Variants in ANKRD33B observed in about 807,000 individuals in gnomAD.
ANKRD33B encodes ankyrin repeat domain 33B, also known as ankyrin repeat domain-containing protein 33B.
A neutral mutation model predicts 21.5 loss-of-function variants in ANKRD33B; 6 were observed. The ratio of observed to expected loss-of-function variants is 0.28; its 90% CI spans 0.15 to 0.55. ANKRD33B has a LOEUF of 0.55. ANKRD33B is among the 20% of genes least tolerant of loss of function. The probability of loss-of-function intolerance (pLI) is 0.94; values close to 1 mark genes in which losing one functional copy is unlikely to be tolerated. For synonymous variants in ANKRD33B, 347 were observed against 342.4 expected (o/e 1.01, Z -0.15); for missense variants, 698 against 747.2 (o/e 0.93, Z 0.77).
rs765723446 is a variant in ANKRD33B, at chr5:10,651,288, G to C, written c.*1175G>C. The C allele has an allele frequency of 6.6e-6, 1 of 152,230 alleles. No homozygotes were observed. Among genetic ancestry groups the C allele is most frequent in the South Asian group, 2.1e-4 (1 of 4,818 alleles). 9.4% of individuals were successfully genotyped at this position (152,230 alleles called of 1,614,324 possible). A position where few individuals can be genotyped will look rare whatever the true frequency, so the allele number is the denominator to read the frequency against. ...TTGGTGTTTAGTTCATCCTTATGCC[G>C]ACCTCTTAGAATTTCCAAGATGCAG... On this transcript the variant is annotated 3_prime_UTR_variant, in exon 4 of 4. Coordinates refer to ENST00000296657, the MANE Select transcript of ANKRD33B (RefSeq NM_001164440.2).
chr5:10,630,086 A>G (rs57278766), intron 2 of ANKRD33B, among the ~76,000 whole-genome samples: 35,030 of 152,132 alleles, frequency 0.23, 4,140 homozygotes, highest in Middle Eastern at 0.35. Context: ...TGTGAGTCAC[A>G]TATGCTTTTA....
At chr5:10,629,391 G>A (rs938175857) in intron 2 of ANKRD33B, among the ~76,000 whole-genome samples, 1 of 152,208 alleles carries the variant, frequency 6.6e-6, no homozygotes, top group Non-Finnish European at 1.5e-5. Flanking sequence ...GCAGAATGTG[G>A]TGATTGCTTG....
At chr5:10,617,742 C>T (rs1295668581) in intron 1 of ANKRD33B, among the ~76,000 whole-genome samples, 1 of 152,176 alleles carries the variant, frequency 6.6e-6, no homozygotes, top group Non-Finnish European at 1.5e-5. Context: ...CGGGTTACTC[C>T]TCCTCTTCTC....
chr5:10,633,969 C>T (rs1056291677), intron 2 of ANKRD33B, among the ~76,000 whole-genome samples: 5 of 152,138 alleles, frequency 3.3e-5, no homozygotes, highest in South Asian at 4.1e-4. Flanking sequence ...GCACGCAGCC[C>T]GCGGGTTAAG....
chr5:10,583,029 C>T (rs1282054816), intron 1 of ANKRD33B, among the ~76,000 whole-genome samples: 1 of 146,992 alleles, frequency 6.8e-6, no homozygotes, highest in African/African-American at 2.5e-5. Flanking sequence ...TGGAATCTTG[C>T]TCTGTCGCCC....
chr5:10,650,884 G>A lies in ANKRD33B; in HGVS notation c.*771G>A, dbSNP rs1460740208. The stretch of plus-strand genomic sequence containing the variant: ...GAATTAAACTCATTTTAAGCAAGGG[G>A]TTTTAGGTAAACTGGATACGAAATC... On this transcript the variant is annotated 3_prime_UTR_variant, in exon 4 of 4. Coordinates refer to ENST00000296657, the MANE Select transcript of ANKRD33B (RefSeq NM_001164440.2). The A allele has an allele frequency of 3.3e-5, 5 of 152,336 alleles. No individual in the cohort carries two copies. Among genetic ancestry groups the A allele is most frequent in the South Asian group, 2.1e-4 (1 of 4,828 alleles). The allele number at this position is 152,336 out of a possible 1,614,324, so 9.4% of individuals were successfully genotyped here.
At chr5:10,618,032 C>T (rs1369303821) in intron 1 of ANKRD33B, among the ~76,000 whole-genome samples, 1 of 152,228 alleles carries the variant, frequency 6.6e-6, no homozygotes, top group Admixed American at 6.5e-5. Context: ...TATTTCTCTA[C>T]GAGCCCCATA....
At chr5:10,641,897 CAG>C (rs1405386220) in intron 3 of ANKRD33B, among the ~76,000 whole-genome samples, 1 of 152,152 alleles carries the variant, frequency 6.6e-6, no homozygotes, top group East Asian at 1.9e-4. Flanking sequence ...TCAGTTTCAA[CAG>C]AGTTTCGGCC....
intron 1 of ANKRD33B, among the ~76,000 whole-genome samples, chr5:10,604,503 C>T (rs1314452113): frequency 6.8e-6 from 1 of 146,912 alleles, no homozygotes; most frequent in African/African-American, 2.5e-5. Flanking sequence ...AAAAGGAGAA[C>T]CTTTTTGAAA....
In ANKRD33B at chr5:10,564,149, A is replaced by G. The variant is rs1170819802; in HGVS notation, c.-319A>G. Among the ~76,000 whole-genome samples, 2 of 151,962 alleles carry G rather than the reference A, an allele frequency of 1.3e-5. No individual in the cohort carries two copies. The highest frequency in any genetic ancestry group is 4.8e-5 in the African/African-American group (2 of 41,380). On this transcript the variant is annotated 5_prime_UTR_variant, in exon 1 of 4. Transcript: ENST00000296657. ...GCCAGGTGCCCAGTCCCCGCGCTCGAGAGAGCGCCTGCCTGGCTCTGAACT... is the reference window on the plus strand; with the variant it reads ...GCCAGGTGCCCAGTCCCCGCGCTCGGGAGAGCGCCTGCCTGGCTCTGAACT...
chr5:10,596,381 C>T (rs1347640819), intron 1 of ANKRD33B, among the ~76,000 whole-genome samples: 2 of 152,340 alleles, frequency 1.3e-5, no homozygotes, highest in East Asian at 1.9e-4. Context: ...CATGTGTTCT[C>T]ATCGTTCAGC....
chr5:10,590,403 G>T (rs1024293646), intron 1 of ANKRD33B, among the ~76,000 whole-genome samples: 1 of 152,112 alleles, frequency 6.6e-6, no homozygotes, highest in African/African-American at 2.4e-5. Flanking sequence ...CCTCTTTCTG[G>T]CCTGTCTTGT....
intron 1 of ANKRD33B, among the ~76,000 whole-genome samples, chr5:10,593,682 AG>A (rs1696394684): frequency 6.6e-6 from 1 of 151,768 alleles, no homozygotes; most frequent in African/African-American, 2.4e-5. Flanking sequence ...CCTCCCGGGC[AG>A]GGGGGCTAAC....
intron 1 of ANKRD33B, among the ~76,000 whole-genome samples, chr5:10,569,882 G>GT (rs1340885643): frequency 2.0e-5 from 3 of 152,050 alleles, no homozygotes; most frequent in African/African-American, 7.2e-5. Context: ...GTTTGTTTTT[G>GT]TTTTTTTGTT....
chr5:10,625,728 A>G (rs1169110821), intron 2 of ANKRD33B, among the ~76,000 whole-genome samples: 2 of 152,244 alleles, frequency 1.3e-5, no homozygotes, highest in Non-Finnish European at 2.9e-5. Flanking sequence ...TGTAAAATGC[A>G]TGAACCGTGG....
intron 2 of ANKRD33B, among the ~76,000 whole-genome samples, chr5:10,632,713 C>T (rs1446113754): frequency 6.6e-6 from 1 of 152,256 alleles, no homozygotes; most frequent in African/African-American, 2.4e-5. Context: ...GCACAGCCAG[C>T]TGTGAATCAT....
intron 2 of ANKRD33B, among the ~76,000 whole-genome samples, chr5:10,630,306 C>G (rs978325361): frequency 2.0e-5 from 3 of 152,340 alleles, no homozygotes; most frequent in Middle Eastern, 6.8e-3. Flanking sequence ...ATTACTCATC[C>G]TCTTCCTGGG....
Position 10,606,192 on chromosome 5 carries a change from G to A in ANKRD33B, c.367-12141G>A, listed in dbSNP as rs117203923. 4.1e-3 allele frequency among the ~76,000 whole-genome samples: 627 copies of A among 152,268 alleles called. 10 individuals carry two copies. Among genetic ancestry groups the A allele is most frequent in the Admixed American group, 0.017 (257 of 15,304 alleles). The stretch of plus-strand genomic sequence containing the variant: ...TACTAATCTAAAATCATAAATCCCA[G>A]CGAGAGGTTTGCAGTGATAATAAGA... On this transcript the variant is annotated intron_variant, in intron 1 of 3. Transcript: ENST00000296657.
intron 2 of ANKRD33B, among the ~76,000 whole-genome samples, chr5:10,634,457 A>T (rs1316938043): frequency 2.1e-5 from 3 of 141,884 alleles, no homozygotes; most frequent in Non-Finnish European, 3.1e-5. Context: ...CTCAAACTAG[A>T]TTTTTTTCTT....
Sources: gnomAD v4.1 joint callset for allele counts (sites outside exome capture counted in the v4.1 genomes callset) on GRCh38, gnomAD v4.1.1 for gene constraint, MANE v1.5 for transcripts, NCBI Gene and HGNC (gene_info 2026-07-23, HGNC 2026-07-21) for gene names.